The following ERAP1 variants were observed in gnomAD, a reference collection of about 807,000 sequenced individuals.
ERAP1 encodes the protein endoplasmic reticulum aminopeptidase 1.
In ERAP1, 86 loss-of-function variants were observed where a neutral mutation model predicts 103.7. The ratio of observed to expected loss-of-function variants is 0.83; its 90% CI spans 0.70 to 0.99. The LOEUF (loss-of-function observed/expected upper bound fraction) is 0.99. Ranked by LOEUF, ERAP1 falls within the 50% of genes least tolerant of loss-of-function variation. ERAP1 has a pLI of 0.00. For missense variants in ERAP1, 1,009 were observed against 1,128.4 expected (o/e 0.89, Z 1.52); for synonymous variants, 398 against 402.4 (o/e 0.99, Z 0.13).
At chr5:96,796,536 A>G (rs1351540436) in intron 4 of ERAP1, among the ~76,000 whole-genome samples, 1 of 152,214 alleles carries the variant, frequency 6.6e-6, no homozygotes, top group Non-Finnish European at 1.5e-5. Flanking sequence ...CCATTGCAGG[A>G]TCTAGTCCAA....
intron 13 of ERAP1, 112 bp from the exon 14 acceptor site, chr5:96,784,192 C>A (rs1775658896): frequency 2.5e-6 from 3 of 1,190,600 alleles, no homozygotes; most frequent in Non-Finnish European, 2.5e-6. Flanking sequence ...ATATAAATGT[C>A]CCTTATAAAT....
At position 96,765,060 on chromosome 5, in the gene ERAP1, G is replaced by C. The variant is rs26501; in HGVS notation, c.2819-1832C>G. On this transcript the variant is annotated intron_variant, in intron 19 of 19. Transcript: ENST00000296754. ...TCTTCTCCTGATCTTCCATTCCTAG[G>C]CTTCTCTTCTCTGACCCTGTCTACT... 0.42 allele frequency among the ~76,000 whole-genome samples: 63,796 copies of C among 151,636 alleles called. 13,755 individuals are homozygous for C. The highest frequency in any genetic ancestry group is 0.47 in the South Asian group (2,255 of 4,808).
At chr5:96,832,723 A>G in the ERAP1 span, among the ~76,000 whole-genome samples, 4 of 152,256 alleles carry the variant, frequency 2.6e-5, no homozygotes, top group East Asian at 3.8e-4. Flanking sequence ...TAAGTAGCAG[A>G]TATCATTGTA....
chr5:96,892,522 T>C, the ERAP1 span: 3 of 1,564,920 alleles, frequency 1.9e-6, no homozygotes, highest in Non-Finnish European at 2.6e-6. Flanking sequence ...CGACCAATCT[T>C]CCTGAAACAA....
At chr5:96,861,649 A>G in the ERAP1 span, among the ~76,000 whole-genome samples, 47 of 152,308 alleles carry the variant, frequency 3.1e-4, no homozygotes, top group Non-Finnish European at 5.7e-4. Context: ...GCTTCATCAC[A>G]TACCATCTTA....
chr5:96,796,626 T>C (rs1777372163), intron 4 of ERAP1, among the ~76,000 whole-genome samples: 1 of 152,144 alleles, frequency 6.6e-6, no homozygotes, highest in Admixed American at 6.5e-5. Context: ...GTGACTGCAG[T>C]GAAGCCAGGA....
the ERAP1 span, among the ~76,000 whole-genome samples, chr5:96,927,677 G>A: frequency 1.3e-5 from 2 of 152,046 alleles, no homozygotes; most frequent in Non-Finnish European, 2.9e-5. Flanking sequence ...TAGTGGAGAC[G>A]GGGTTTCACT....
the ERAP1 span, among the ~76,000 whole-genome samples, chr5:96,891,049 C>A: frequency 7.2e-5 from 11 of 152,140 alleles, no homozygotes; most frequent in African/African-American, 2.4e-4. Context: ...GTCATTCCCA[C>A]ATTTGAAGTG....
At chr5:96,773,375 C>A (rs375504648), downstream of ERAP1, 1 of 153,062 alleles carries the variant, frequency 6.5e-6, no homozygotes, top group African/African-American at 2.4e-5. Context: ...TAGCAAATTT[C>A]GAGCATAAGA....
At chr5:96,894,644 A>G in the ERAP1 span, among the ~76,000 whole-genome samples, 2 of 152,144 alleles carry the variant, frequency 1.3e-5, no homozygotes, top group Non-Finnish European at 2.9e-5. Flanking sequence ...CATCCTTTTT[A>G]TTTGATTTAT....
At chr5:96,910,888 A>G in the ERAP1 span, among the ~76,000 whole-genome samples, 8 of 152,350 alleles carry the variant, frequency 5.3e-5, no homozygotes, top group East Asian at 1.5e-3. Context: ...GTAGGAGCTA[A>G]GGATAAAGAG....
chr5:96,784,364 A>C (rs166083), intron 13 of ERAP1, among the ~76,000 whole-genome samples: 31 of 152,044 alleles, frequency 2.0e-4, no homozygotes, highest in Non-Finnish European at 4.4e-4. Flanking sequence ...GCATGGTGGC[A>C]GGTACTTGGT....
At chr5:96,789,324 T>C (rs980023876) in intron 10 of ERAP1, among the ~76,000 whole-genome samples, 3 of 152,094 alleles carry the variant, frequency 2.0e-5, no homozygotes, top group African/African-American at 7.2e-5. Flanking sequence ...TCATCTCTAC[T>C]AAGAATACAA....
chr5:96,870,380 A>T, the ERAP1 span, among the ~76,000 whole-genome samples: 1 of 152,206 alleles, frequency 6.6e-6, no homozygotes, highest in Non-Finnish European at 1.5e-5. Flanking sequence ...ATGACCAAAC[A>T]TCTTCAGGTC....
chr5:96,860,768 T>G, the ERAP1 span, among the ~76,000 whole-genome samples: 13 of 152,304 alleles, frequency 8.5e-5, no homozygotes, highest in South Asian at 4.1e-4. Context: ...GGTTGCTGTT[T>G]ATCATATTCT....
chr5:96,911,240 T>C, the ERAP1 span, among the ~76,000 whole-genome samples: 2 of 152,232 alleles, frequency 1.3e-5, no homozygotes, highest in Non-Finnish European at 2.9e-5. Context: ...ATAAGAGGTA[T>C]GGAGACTAGT....
the ERAP1 span, among the ~76,000 whole-genome samples, chr5:96,929,994 A>T: frequency 6.6e-6 from 1 of 152,236 alleles, no homozygotes; most frequent in African/African-American, 2.4e-5. Flanking sequence ...AAGCCTCCCA[A>T]GTGACTGAAC....
the ERAP1 span, among the ~76,000 whole-genome samples, chr5:96,815,874 TGA>T: frequency 2.8e-4 from 43 of 152,178 alleles, no homozygotes; most frequent in African/African-American, 9.4e-4. Context: ...CTGTAAATCT[TGA>T]GAGATAAATA....
At chr5:96,787,049 A>C (rs1776107176) in intron 11 of ERAP1, among the ~76,000 whole-genome samples, 1 of 152,208 alleles carries the variant, frequency 6.6e-6, no homozygotes, top group South Asian at 2.1e-4. Context: ...TTGTTTCAGA[A>C]AAAAATGGAG....
Sources: gnomAD v4.1 joint callset for allele counts (sites outside exome capture counted in the v4.1 genomes callset) on GRCh38, gnomAD v4.1.1 for gene constraint, MANE v1.5 for transcripts, NCBI Gene and HGNC (gene_info 2026-07-23, HGNC 2026-07-21) for gene names.